The following CHN2 variants were observed in gnomAD, a reference collection of about 807,000 sequenced individuals.
The protein encoded by CHN2 is chimerin 2.
CHN2 carries 35 observed loss-of-function variants against 56.3 expected under a neutral mutation model. That is an observed-to-expected ratio of 0.62 (90% CI 0.47 to 0.82). The LOEUF is 0.82. CHN2 is among the 40% of genes least tolerant of loss of function. The pLI, the probability that CHN2 is intolerant of heterozygous loss-of-function variation, is 0.00. For missense variants in CHN2, 491 were observed against 580.5 expected (o/e 0.85, Z 1.58); for synonymous variants, 210 against 212.8 (o/e 0.99, Z 0.12).
intron 1 of CHN2, chr7:29,212,969 A>G (rs1255518292): frequency 1.2e-6 from 2 of 1,609,496 alleles, no homozygotes; most frequent in Non-Finnish European, 1.7e-6. Flanking sequence ...TGGAACACTC[A>G]GACCTGGTGC....
chr7:29,348,274 A>T (rs1269187213), intron 1 of CHN2, among the ~76,000 whole-genome samples: 1 of 152,168 alleles, frequency 6.6e-6, no homozygotes, highest in Non-Finnish European at 1.5e-5. Flanking sequence ...GAACAGCAGC[A>T]TCATCTTTTT....
chr7:29,481,371 A>C (rs1787207654), intron 7 of CHN2, among the ~76,000 whole-genome samples: 1 of 152,240 alleles, frequency 6.6e-6, no homozygotes, highest in African/African-American at 2.4e-5. Flanking sequence ...GACGAGGGAA[A>C]CTGATTTTAT....
chr7:29,195,289 A>T (rs1229990883), intron 1 of CHN2: 1 of 355,520 alleles, frequency 2.8e-6, no homozygotes, highest in Non-Finnish European at 5.1e-6. Context: ...GCAGGCTCGC[A>T]CTTTCTGGCG....
chr7:29,373,576 C>A (rs1799790087), intron 3 of CHN2, among the ~76,000 whole-genome samples: 1 of 152,222 alleles, frequency 6.6e-6, no homozygotes. Flanking sequence ...TTCCTACCCT[C>A]TTTTATGCAG....
At chr7:29,285,934 C>T (rs1431679755) in intron 1 of CHN2, among the ~76,000 whole-genome samples, 6 of 152,180 alleles carry the variant, frequency 3.9e-5, no homozygotes, top group Non-Finnish European at 8.8e-5. Context: ...CCTTCAAAAA[C>T]TTACAAATCC....
intron 2 of CHN2, among the ~76,000 whole-genome samples, chr7:29,163,636 C>T (rs548577642): frequency 6.6e-6 from 1 of 152,134 alleles, no homozygotes; most frequent in African/African-American, 2.4e-5. Context: ...ATGTATGAAC[C>T]CATGAAACCC....
chr7:29,480,123 G>A (rs199556625), intron 6 of CHN2, 156 bp from the exon 7 acceptor site: 1 of 1,554,982 alleles, frequency 6.4e-7, no homozygotes. Flanking sequence ...GTTCTCTGAA[G>A]AACTGTGGCT....
intron 1 of CHN2, among the ~76,000 whole-genome samples, chr7:29,349,785 C>G (rs1383429706): frequency 6.6e-6 from 1 of 152,156 alleles, no homozygotes; most frequent in South Asian, 2.1e-4. Context: ...AAATATATAA[C>G]TGTCTTCTGC....
chr7:29,252,336 C>T (rs1272990597), intron 1 of CHN2, among the ~76,000 whole-genome samples: 1 of 151,216 alleles, frequency 6.6e-6, no homozygotes, highest in Non-Finnish European at 1.5e-5. Context: ...CTACAGGCAC[C>T]CGCCACCATG....
intron 1 of CHN2, among the ~76,000 whole-genome samples, chr7:29,245,141 C>T (rs1031443835): frequency 6.6e-6 from 1 of 152,166 alleles, no homozygotes; most frequent in African/African-American, 2.4e-5. Flanking sequence ...TAAGACTCTG[C>T]GCCTCATAGA....
intron 11 of CHN2, among the ~76,000 whole-genome samples, chr7:29,508,449 A>G (rs1356907668): frequency 6.6e-6 from 1 of 151,788 alleles, no homozygotes; most frequent in East Asian, 1.9e-4. Context: ...TAAAGGTTGA[A>G]AAGTTTAGGC....
intron 7 of CHN2, among the ~76,000 whole-genome samples, chr7:29,483,067 C>T (rs1192935815): frequency 2.0e-5 from 3 of 152,002 alleles, no homozygotes; most frequent in African/African-American, 4.8e-5. Flanking sequence ...GTGATCCGCC[C>T]GTCTCGGCCT....
intron 1 of CHN2, among the ~76,000 whole-genome samples, chr7:29,273,215 T>G (rs918323180): frequency 1.3e-5 from 2 of 151,380 alleles, no homozygotes; most frequent in African/African-American, 4.9e-5. Flanking sequence ...CATGCAATAT[T>G]TTTCTTTCTT....
chr7:29,505,745 A>G (rs149981303), intron 10 of CHN2, among the ~76,000 whole-genome samples: 1 of 152,310 alleles, frequency 6.6e-6, no homozygotes, highest in East Asian at 1.9e-4. Flanking sequence ...ACACTTCTTC[A>G]GCATAGCAAT....
intron 2 of CHN2, among the ~76,000 whole-genome samples, chr7:29,163,714 C>A (rs1197174968): frequency 1.3e-5 from 2 of 152,166 alleles, no homozygotes; most frequent in Non-Finnish European, 1.5e-5. Flanking sequence ...TCTCTGTCAC[C>A]AGGCAATTGC....
chr7:29,457,581 G>C (rs1784859825), intron 6 of CHN2, among the ~76,000 whole-genome samples: 1 of 151,982 alleles, frequency 6.6e-6, no homozygotes, highest in Non-Finnish European at 1.5e-5. Context: ...ACCCACATGG[G>C]GTATAATTGA....
intron 2 of CHN2, among the ~76,000 whole-genome samples, chr7:29,154,530 A>G (rs547470171): frequency 6.6e-6 from 1 of 152,218 alleles, no homozygotes; most frequent in South Asian, 2.1e-4. Flanking sequence ...CCTGATCGAT[A>G]TTTAAAGAAG....
intron 6 of CHN2, among the ~76,000 whole-genome samples, chr7:29,451,924 G>T (rs1210382765): frequency 2.0e-5 from 3 of 152,082 alleles, no homozygotes; most frequent in Non-Finnish European, 4.4e-5. Context: ...AGGCAACCTG[G>T]TGCATGCCCA....
intron 2 of CHN2, among the ~76,000 whole-genome samples, chr7:29,360,233 A>T (rs936257634): frequency 6.6e-6 from 1 of 152,156 alleles, no homozygotes; most frequent in Non-Finnish European, 1.5e-5. Context: ...TTAAGACTCG[A>T]CATTCTGGCC....
Sources: gnomAD v4.1 joint callset for allele counts (sites outside exome capture counted in the v4.1 genomes callset) on GRCh38, gnomAD v4.1.1 for gene constraint, MANE v1.5 for transcripts, NCBI Gene and HGNC (gene_info 2026-07-23, HGNC 2026-07-21) for gene names.